The following PKP2 variants were observed in gnomAD, a reference collection of about 807,000 sequenced individuals.
The protein encoded by PKP2 is plakophilin 2, also known as plakophilin-2.
Under a neutral mutation model 83.4 loss-of-function variants are expected in PKP2, and 73 were observed. The observed-to-expected ratio is 0.88, with a 90% CI of 0.72 to 1.06. PKP2 has a LOEUF of 1.06. Among genes scored for constraint, PKP2 ranks in the 50% least tolerant of loss-of-function variants. The pLI is 0.00. For synonymous variants in PKP2, 409 were observed against 430.4 expected (o/e 0.95, Z 0.62); for missense variants, 966 against 1,065.4 (o/e 0.91, Z 1.30).
intron 6 of PKP2, among the ~76,000 whole-genome samples, chr12:32,838,289 C>A (rs1956560593): frequency 6.6e-6 from 1 of 152,056 alleles, no homozygotes; most frequent in Non-Finnish European, 1.5e-5. Flanking sequence ...TACAAATAGA[C>A]ACAAAGATGG....
At chr12:32,868,827 T>A (rs1177399297) in intron 4 of PKP2, 100 bp downstream of exon 4, 2 of 1,380,504 alleles carry the variant, frequency 1.4e-6, no homozygotes, top group Admixed American at 3.4e-5. Context: ...CGGTCCCAAT[T>A]TTTAAAAATT....
intron 3 of PKP2, among the ~76,000 whole-genome samples, chr12:32,874,643 T>G (rs904841416): frequency 6.6e-6 from 1 of 152,238 alleles, no homozygotes; most frequent in Admixed American, 6.5e-5. Context: ...AAAAATAGTA[T>G]GACTAATACT....
intron 9 of PKP2, among the ~76,000 whole-genome samples, chr12:32,815,256 T>C (rs1026372): frequency 0.75 from 113,461 of 152,050 alleles, 42,432 homozygotes; most frequent in East Asian, 0.78. Flanking sequence ...TCATGACTCT[T>C]CATCGCCTTC....
chr12:32,888,414 T>C (rs1192002060), intron 1 of PKP2, among the ~76,000 whole-genome samples: 1 of 152,218 alleles, frequency 6.6e-6, no homozygotes, highest in Non-Finnish European at 1.5e-5. Flanking sequence ...TTTCAAGTCA[T>C]TATATTTCCC....
chr12:32,874,537 A>G (rs1956917888), intron 3 of PKP2, among the ~76,000 whole-genome samples: 1 of 152,118 alleles, frequency 6.6e-6, no homozygotes, highest in Admixed American at 6.5e-5. Context: ...CTTACTCATT[A>G]TTTTTAAATT....
chr12:32,867,981 T>C (rs866824343), intron 4 of PKP2, among the ~76,000 whole-genome samples: 2 of 152,160 alleles, frequency 1.3e-5, no homozygotes, highest in Non-Finnish European at 2.9e-5. Context: ...AAAACATATA[T>C]GCACAAAGCA....
At chr12:32,822,711 G>C in intron 7 of PKP2, 80 bp from the exon 8 acceptor site, 1 of 1,495,470 alleles carries the variant, frequency 6.7e-7, no homozygotes, top group Non-Finnish European at 9.3e-7. Context: ...ACAGGCTTTA[G>C]CTCTTACAAG....
chr12:32,882,703 A>G (rs1956996683), intron 1 of PKP2, among the ~76,000 whole-genome samples: 2 of 152,198 alleles, frequency 1.3e-5, no homozygotes, highest in Admixed American at 1.3e-4. Flanking sequence ...TTTTCCTTTA[A>G]GGAGCTCAAA....
chr12:32,811,260 G>A (rs1956274876), intron 9 of PKP2, among the ~76,000 whole-genome samples: 1 of 152,216 alleles, frequency 6.6e-6, no homozygotes, highest in Admixed American at 6.5e-5. Context: ...TGATGCATTA[G>A]CACATCCCAG....
At chr12:32,792,521 A>G in intron 12 of PKP2, 29 bp from the exon 13 acceptor site, 11 of 1,602,632 alleles carry the variant, frequency 6.9e-6, no homozygotes, top group Non-Finnish European at 9.4e-6. Flanking sequence ...GAAACGTGAA[A>G]GGTAACAAAA....
chr12:32,851,599 G>C (rs1201090415), intron 4 of PKP2, among the ~76,000 whole-genome samples: 1 of 152,098 alleles, frequency 6.6e-6, no homozygotes, highest in East Asian at 1.9e-4. Flanking sequence ...CTCCTGGGTA[G>C]CTGGGACTAC....
intron 6 of PKP2, among the ~76,000 whole-genome samples, chr12:32,825,453 G>A (rs996759507): frequency 1.3e-5 from 2 of 152,126 alleles, no homozygotes; most frequent in African/African-American, 4.8e-5. Context: ...TTACAGGCGT[G>A]AGCTACCACG....
chr12:32,838,911 T>C (rs887882587), intron 6 of PKP2, among the ~76,000 whole-genome samples: 1 of 152,220 alleles, frequency 6.6e-6, no homozygotes, highest in Non-Finnish European at 1.5e-5. Context: ...AAATGTTTCA[T>C]AGAACATTTA....
At chr12:32,810,073 G>T (rs1956263630) in intron 9 of PKP2, among the ~76,000 whole-genome samples, 1 of 152,134 alleles carries the variant, frequency 6.6e-6, no homozygotes, top group Non-Finnish European at 1.5e-5. Context: ...TTTATAAATA[G>T]ACATGAGTTG....
rs759322948 is a variant in PKP2 at position 32,792,714 on chromosome 12, G to C, written c.2375C>G (p.Ala792Gly). Residue 792 changes from alanine to glycine, a missense_variant, in exon 12 of 13, where the codon GCA becomes GGA. Transcript: ENST00000340811. The part of the protein sequence containing the change: ...SAGDAYASNK[A>G]SKAASVLLYS... ...CAGAAGGACGGAAGCAGCTTTACTT[G>C]CTTTGTTGGAGGCATAGCTGAAAAG... 6.2e-7 allele frequency: 1 copy of C among 1,613,962 alleles called. No homozygotes were observed. Among genetic ancestry groups the C allele is most frequent in the Non-Finnish European group, 8.5e-7 (1 of 1,179,882 alleles).
chr12:32,888,563 C>T (rs1163106956), intron 1 of PKP2, among the ~76,000 whole-genome samples: 1 of 151,638 alleles, frequency 6.6e-6, no homozygotes, highest in Admixed American at 6.6e-5. Flanking sequence ...GATCTCGGCT[C>T]ACCGCAACCT....
At chr12:32,896,460 C>G in intron 1 of PKP2, 49 bp downstream of exon 1, 1 of 1,358,066 alleles carries the variant, frequency 7.4e-7, no homozygotes, top group Non-Finnish European at 9.8e-7. Context: ...GAGGAGGTGA[C>G]CGGGTGTGGG....
chr12:32,877,709 C>T, intron 3 of PKP2, 137 bp downstream of exon 3: 1 of 750,226 alleles, frequency 1.3e-6, no homozygotes, highest in East Asian at 2.7e-5. Context: ...AGGCAGCTGC[C>T]TGAAAAGTCA....
intron 3 of PKP2, 38 bp from the exon 4 acceptor site, chr12:32,869,100 C>G (rs756891447): frequency 1.9e-6 from 3 of 1,612,004 alleles, no homozygotes; most frequent in Non-Finnish European, 8.5e-7. Context: ...GATTCCAAAC[C>G]TCCCTCCTCC....
Sources: gnomAD v4.1 joint callset for allele counts (sites outside exome capture counted in the v4.1 genomes callset) on GRCh38, gnomAD v4.1.1 for gene constraint, MANE v1.5 for transcripts, NCBI Gene and HGNC (gene_info 2026-07-23, HGNC 2026-07-21) for gene names.